WASF3: variants seen among roughly 807,000 people sequenced by gnomAD.
WASF3 encodes the protein actin-binding protein WASF3.
WASF3 carries 11 observed loss-of-function variants against 46.6 expected under a neutral mutation model. The ratio of observed to expected loss-of-function variants is 0.24; its 90% CI spans 0.15 to 0.39. The LOEUF (loss-of-function observed/expected upper bound fraction) is 0.39. Among genes scored for constraint, WASF3 ranks in the 10% least tolerant of loss-of-function variants. The pLI is 1.00. For synonymous variants in WASF3, 242 were observed against 259.7 expected, an observed-to-expected ratio of 0.93 and a Z score of 0.65; for missense variants, 576 against 669.8, an observed-to-expected ratio of 0.86 and a Z score of 1.55.
intron 2 of WASF3, among the ~76,000 whole-genome samples, chr13:26,632,079 C>T (rs1011660254): frequency 7.2e-5 from 11 of 152,244 alleles, no homozygotes; most frequent in Admixed American, 3.9e-4. Context: ...TGGGCTGAGA[C>T]GATGGGGTTT....
At chr13:26,606,489 G>A in intron 1 of WASF3, 1 of 151,246 alleles carries the variant, frequency 6.6e-6, no homozygotes. Context: ...CTGAGTAGCT[G>A]GAACTACAGG....
At chr13:26,640,368 A>G (rs1302237890) in intron 2 of WASF3, 1 of 151,856 alleles carries the variant, frequency 6.6e-6, no homozygotes, top group East Asian at 1.9e-4. Context: ...AAACTCCTTA[A>G]GTAGGAAGTT....
At chr13:26,597,381 C>A (rs192340352) in intron 1 of WASF3, among the ~76,000 whole-genome samples, 6 of 152,320 alleles carry the variant, frequency 3.9e-5, no homozygotes, top group Non-Finnish European at 2.9e-5. Flanking sequence ...GTGATCTGCC[C>A]GCCTGGGCCT....
At chr13:26,628,115 T>C (rs1881529177) in intron 2 of WASF3, among the ~76,000 whole-genome samples, 1 of 152,026 alleles carries the variant, frequency 6.6e-6, no homozygotes, top group Admixed American at 6.6e-5. Context: ...GAATAAATGC[T>C]GGGATGTTCA....
At chr13:26,549,930 C>T in the WASF3 span, among the ~76,000 whole-genome samples, 2 of 152,144 alleles carry the variant, frequency 1.3e-5, no homozygotes, top group East Asian at 1.9e-4. Context: ...TATAACTCCA[C>T]CTCACCACAG....
At chr13:26,636,165 G>A (rs972211796) in intron 2 of WASF3, among the ~76,000 whole-genome samples, 6 of 152,332 alleles carry the variant, frequency 3.9e-5, no homozygotes, top group East Asian at 1.9e-4. Flanking sequence ...GGTGGGCTCC[G>A]CCCAGTTCAA....
chr13:26,661,166 C>A (rs896766357), intron 3 of WASF3, among the ~76,000 whole-genome samples: 1 of 152,224 alleles, frequency 6.6e-6, no homozygotes, highest in African/African-American at 2.4e-5. Flanking sequence ...AACCAGCATC[C>A]ACGCTGTAGC....
intron 9 of WASF3, among the ~76,000 whole-genome samples, chr13:26,683,229 TG>T (rs1292741660): frequency 1.3e-5 from 2 of 152,106 alleles, no homozygotes; most frequent in Non-Finnish European, 2.9e-5. Flanking sequence ...CCCAGCACTT[TG>T]GGAGGCCAAG....
At chr13:26,677,418 C>T (rs1883099068) in intron 7 of WASF3, among the ~76,000 whole-genome samples, 1 of 152,200 alleles carries the variant, frequency 6.6e-6, no homozygotes, top group Admixed American at 6.5e-5. Context: ...AAGTTGTAGT[C>T]TTCCATTTGC....
At chr13:26,576,767 A>C (rs1593375279) in intron 1 of WASF3, 1 of 322,372 alleles carries the variant, frequency 3.1e-6, no homozygotes, top group East Asian at 6.6e-5. Flanking sequence ...ACTCATTGGA[A>C]ATGCAAAAAT....
At chr13:26,609,746 G>A (rs1171000300) in intron 1 of WASF3, among the ~76,000 whole-genome samples, 1 of 152,156 alleles carries the variant, frequency 6.6e-6, no homozygotes, top group East Asian at 1.9e-4. Context: ...ATTTTAGCGG[G>A]GAGAGGTCCT....
chr13:26,563,962 C>T (rs1879380482), intron 1 of WASF3, among the ~76,000 whole-genome samples: 1 of 152,046 alleles, frequency 6.6e-6, no homozygotes, highest in Admixed American at 6.6e-5. Context: ...CTCAGGGTGC[C>T]CTCTGACCTT....
rs375204405 is a variant in WASF3, at chr13:26,563,285, C to T, written c.-109+5466C>T. Among the ~76,000 whole-genome samples the T allele has an allele frequency of 6.6e-5, 10 of 152,052 alleles. No homozygotes were observed. The East Asian group carries it at 1.6e-3, about 24-fold the overall frequency. ...ATGTTGCCCAAGCTGGTCTTGAACT[C>T]CTGGGCTCAAGCAGTCCTCCCACCT... On this transcript the variant is annotated intron_variant, in intron 1 of 9. Coordinates refer to ENST00000335327, the MANE Select transcript of WASF3 (RefSeq NM_006646.6).
At chr13:26,683,989 A>G (rs562717891) in intron 9 of WASF3, among the ~76,000 whole-genome samples, 142 of 152,328 alleles carry the variant, frequency 9.3e-4, no homozygotes, top group African/African-American at 3.2e-3. Context: ...CAGTTTAGTC[A>G]TCTCATCTGG....
chr13:26,640,363 C>T (rs796115218), intron 2 of WASF3: 45 of 151,782 alleles, frequency 3.0e-4, no homozygotes, highest in African/African-American at 9.9e-4. Context: ...TCTATAAACT[C>T]CTTAAGTAGG....
At chr13:26,621,702 C>T (rs1163717172) in intron 2 of WASF3, among the ~76,000 whole-genome samples, 2 of 152,134 alleles carry the variant, frequency 1.3e-5, no homozygotes, top group Admixed American at 1.3e-4. Context: ...TCTTCCTTCC[C>T]TCCCCCTAAA....
chr13:26,593,047 G>T (rs372516990), intron 1 of WASF3, among the ~76,000 whole-genome samples: 1 of 152,070 alleles, frequency 6.6e-6, no homozygotes, highest in African/African-American at 2.4e-5. Flanking sequence ...GGATGTTAAC[G>T]GTTTTTAGGG....
At chr13:26,595,816 G>A (rs1428934986) in intron 1 of WASF3, among the ~76,000 whole-genome samples, 2 of 152,136 alleles carry the variant, frequency 1.3e-5, no homozygotes, top group African/African-American at 4.8e-5. Flanking sequence ...GTTGTTTTAT[G>A]TATCAATTGT....
chr13:26,662,654 G>A (rs766241550), intron 3 of WASF3, among the ~76,000 whole-genome samples: 1 of 152,216 alleles, frequency 6.6e-6, no homozygotes, highest in Non-Finnish European at 1.5e-5. Context: ...TGGATGGGGA[G>A]AGAGGAAGAG....
Sources: gnomAD v4.1 joint callset for allele counts (sites outside exome capture counted in the v4.1 genomes callset) on GRCh38, gnomAD v4.1.1 for gene constraint, MANE v1.5 for transcripts, NCBI Gene and HGNC (gene_info 2026-07-23, HGNC 2026-07-21) for gene names.